Variants in PIGK observed in about 807,000 individuals in gnomAD.
The protein encoded by PIGK is phosphatidylinositol glycan anchor biosynthesis class K.
In PIGK, 42 loss-of-function variants were observed where a neutral mutation model predicts 50.6. That is an observed-to-expected ratio of 0.83 (90% confidence interval 0.65 to 1.07). The LOEUF (loss-of-function observed/expected upper bound fraction) is 1.07. PIGK is among the 50% of genes least tolerant of loss of function. The probability of loss-of-function intolerance (pLI) is 0.00; values close to 1 mark genes in which losing one functional copy is unlikely to be tolerated. For missense variants in PIGK, 448 were observed against 488.7 expected (o/e 0.92, Z 0.78); for synonymous variants, 151 against 156.0 (o/e 0.97, Z 0.24).
At chr1:77,182,843 C>A (rs1655651614) in intron 3 of PIGK, among the ~76,000 whole-genome samples, 1 of 152,178 alleles carries the variant, frequency 6.6e-6, no homozygotes, top group South Asian at 2.1e-4. Flanking sequence ...ATTCCCTGCT[C>A]ATGAGAGACA....
chr1:77,203,424 T>C (rs971979708), intron 3 of PIGK, among the ~76,000 whole-genome samples: 2 of 152,166 alleles, frequency 1.3e-5, no homozygotes, highest in Non-Finnish European at 2.9e-5. Context: ...AGGTTAGAGA[T>C]TTGTGTGGGT....
At chr1:77,118,497 CA>C (rs1207535533) in intron 10 of PIGK, among the ~76,000 whole-genome samples, 1 of 152,194 alleles carries the variant, frequency 6.6e-6, no homozygotes, top group Non-Finnish European at 1.5e-5. Context: ...AACATTTTTA[CA>C]AAGTCAAATA....
intron 3 of PIGK, among the ~76,000 whole-genome samples, chr1:77,191,902 T>C (rs928334858): frequency 8.5e-5 from 13 of 152,184 alleles, no homozygotes; most frequent in Admixed American, 7.2e-4. Flanking sequence ...GATACCTGAG[T>C]AACCTCCCAC....
At chr1:77,195,950 T>G (rs1656024881) in intron 3 of PIGK, among the ~76,000 whole-genome samples, 2 of 152,200 alleles carry the variant, frequency 1.3e-5, no homozygotes, top group East Asian at 3.9e-4. Flanking sequence ...AGCATAGTAT[T>G]CAATAGGTAG....
intron 9 of PIGK, chr1:77,129,706 A>G: frequency 9.0e-7 from 1 of 1,109,754 alleles, no homozygotes; most frequent in Non-Finnish European, 1.2e-6. Context: ...AAGGAAAAAT[A>G]AAAAATAAAA....
chr1:77,154,239 A>G (rs1654956532), intron 9 of PIGK: 1 of 539,988 alleles, frequency 1.9e-6, no homozygotes, highest in African/African-American at 2.0e-5. Context: ...GAGCTCCAAC[A>G]TAATCCTAAC....
chr1:77,161,091 G>C (rs1655117709), intron 8 of PIGK, among the ~76,000 whole-genome samples: 1 of 152,148 alleles, frequency 6.6e-6, no homozygotes, highest in Admixed American at 6.5e-5. Flanking sequence ...AAAAGAAAAT[G>C]AGTAAATAAA....
chr1:77,122,076 G>C (rs1292999494), intron 10 of PIGK, among the ~76,000 whole-genome samples, 199 bp downstream of exon 10: 1 of 152,118 alleles, frequency 6.6e-6, no homozygotes, highest in Non-Finnish European at 1.5e-5. Flanking sequence ...AAGAATTCTA[G>C]TGTTAAACAG....
Position 77,161,688 on chromosome 1 carries a change from A to G in PIGK, c.608T>C (p.Ile203Thr), listed in dbSNP as rs1193392666. The change falls in exon 7 of 11, where the codon ATT (isoleucine) becomes ACT (threonine). Residue 203 changes from isoleucine to threonine, a missense_variant. By Grantham distance (89) the Ile-to-Thr change is moderately conservative. Transcript: ENST00000370812. ...CATGGATGCTCCTTGGCAAGTATCA[A>G]TAATAAACAGTAGCTCATTGTAGCT... ...KRRYNELLFIIDTCQGASMYE... is the reference protein window; with the variant it reads ...KRRYNELLFITDTCQGASMYE... 13 of 1,536,844 alleles carry G rather than the reference A, an allele frequency of 8.5e-6. No homozygotes were observed. The highest frequency in any genetic ancestry group is 5.6e-5 in the South Asian group (5 of 89,414).
At chr1:77,193,121 C>T (rs942011201) in intron 3 of PIGK, among the ~76,000 whole-genome samples, 1 of 152,144 alleles carries the variant, frequency 6.6e-6, no homozygotes, top group African/African-American at 2.4e-5. Flanking sequence ...AATATCTTTC[C>T]TCCAAAGGAA....
chr1:77,136,296 G>C (rs905281668), intron 9 of PIGK, among the ~76,000 whole-genome samples: 1 of 151,956 alleles, frequency 6.6e-6, no homozygotes, highest in Admixed American at 6.6e-5. Flanking sequence ...TTGGGAGGCC[G>C]AGGCGGGCGG....
chr1:77,117,328 C>T (rs943078933), intron 10 of PIGK, among the ~76,000 whole-genome samples: 39 of 152,202 alleles, frequency 2.6e-4, no homozygotes, highest in African/African-American at 9.1e-4. Context: ...GAATGTCTTT[C>T]CTATTTTATG....
intron 9 of PIGK, among the ~76,000 whole-genome samples, chr1:77,133,212 T>G (rs751603499): frequency 1.3e-5 from 2 of 152,134 alleles, no homozygotes; most frequent in Non-Finnish European, 2.9e-5. Flanking sequence ...TGCTTCAGTT[T>G]CAATATTTTC....
At chr1:77,097,914 T>C (rs1321056721) in intron 10 of PIGK, among the ~76,000 whole-genome samples, 2 of 152,052 alleles carry the variant, frequency 1.3e-5, no homozygotes, top group African/African-American at 4.8e-5. Flanking sequence ...ACATGAGATG[T>C]AAGGTAAACA....
chr1:77,122,229 G>A (rs754269773), intron 10 of PIGK, 46 bp downstream of exon 10: 23 of 1,206,590 alleles, frequency 1.9e-5, no homozygotes, highest in Middle Eastern at 1.9e-4. Context: ...ACTTCTCAGC[G>A]ATTAAAAATC....
At chr1:77,112,926 C>T (rs892482141) in intron 10 of PIGK, among the ~76,000 whole-genome samples, 10 of 152,072 alleles carry the variant, frequency 6.6e-5, no homozygotes, top group Admixed American at 2.0e-4. Flanking sequence ...GTTTACACTT[C>T]GCCCTTAAAA....
At chr1:77,107,005 G>A (rs868510643) in intron 10 of PIGK, among the ~76,000 whole-genome samples, 21 of 151,962 alleles carry the variant, frequency 1.4e-4, no homozygotes, top group African/African-American at 5.1e-4. Context: ...CTTGCTAGAG[G>A]TCTATCAATT....
chr1:77,111,740 T>A (rs1291689297), intron 10 of PIGK, among the ~76,000 whole-genome samples: 1 of 152,124 alleles, frequency 6.6e-6, no homozygotes, highest in Non-Finnish European at 1.5e-5. Context: ...ACATGTACCC[T>A]AGAACTTAAA....
intron 9 of PIGK, among the ~76,000 whole-genome samples, chr1:77,145,457 T>C (rs1654748173): frequency 6.6e-6 from 1 of 152,038 alleles, no homozygotes; most frequent in Non-Finnish European, 1.5e-5. Context: ...TGTAATGTTT[T>C]AAAAATAACA....
Sources: gnomAD v4.1 joint callset for allele counts (sites outside exome capture counted in the v4.1 genomes callset) on GRCh38, gnomAD v4.1.1 for gene constraint, MANE v1.5 for transcripts, NCBI Gene and HGNC (gene_info 2026-07-23, HGNC 2026-07-21) for gene names.